Variants in SLC9A9 observed in about 807,000 individuals in gnomAD.
The protein encoded by SLC9A9 is sodium/hydrogen exchanger 9.
In SLC9A9, 62 loss-of-function variants were observed where a neutral mutation model predicts 77.8. The observed-to-expected ratio is 0.80, with a 90% CI of 0.65 to 0.98. SLC9A9 has a LOEUF of 0.98. SLC9A9 is among the 50% of genes least tolerant of loss of function. SLC9A9 has a pLI of 0.00. For synonymous variants in SLC9A9, 320 were observed against 283.5 expected (o/e 1.13, Z -1.29); for missense variants, 775 against 774.9 (o/e 1.00, Z 0.00).
chr3:143,724,742 A>T (rs1248381927), intron 4 of SLC9A9, among the ~76,000 whole-genome samples: 11 of 152,222 alleles, frequency 7.2e-5, no homozygotes, highest in Admixed American at 5.9e-4. Flanking sequence ...ACACGAAAAC[A>T]ATTAACTTTT....
intron 2 of SLC9A9, among the ~76,000 whole-genome samples, chr3:143,806,672 C>T (rs755342199): frequency 6.0e-5 from 9 of 151,222 alleles, no homozygotes; most frequent in Non-Finnish European, 1.2e-4. Context: ...AACAATTGAA[C>T]TCATGGAGAG....
intron 14 of SLC9A9, among the ~76,000 whole-genome samples, chr3:143,274,933 A>C (rs1194425024): frequency 6.6e-6 from 1 of 152,180 alleles, no homozygotes; most frequent in South Asian, 2.1e-4. Flanking sequence ...ATTACAGTCT[A>C]TATTGTTTCC....
At position 143,319,966 on chromosome 3, in the gene SLC9A9, G is replaced by A. The variant is rs192609126; in HGVS notation, c.1604+43518C>T. Among the ~76,000 whole-genome samples the A allele has an allele frequency of 2.1e-3, 318 of 152,264 alleles. 2 individuals carry two copies. The highest frequency in any genetic ancestry group is 7.4e-3 in the African/African-American group (306 of 41,544). On this transcript the variant is annotated intron_variant, in intron 14 of 15. Transcript: ENST00000316549. ...TTGGCATGTTATATGGGCTGGTGCTGTCACCTGTGTCCACTGCTTCACGAT... is the reference window on the plus strand; with the variant it reads ...TTGGCATGTTATATGGGCTGGTGCTATCACCTGTGTCCACTGCTTCACGAT...
chr3:143,648,140 C>G (rs1576632528), intron 6 of SLC9A9, among the ~76,000 whole-genome samples: 1 of 152,058 alleles, frequency 6.6e-6, no homozygotes, highest in East Asian at 1.9e-4. Flanking sequence ...TTATTTATTA[C>G]TCAGAATAGT....
At chr3:143,674,788 T>C (rs1309918648) in intron 5 of SLC9A9, among the ~76,000 whole-genome samples, 2 of 152,178 alleles carry the variant, frequency 1.3e-5, no homozygotes, top group Non-Finnish European at 2.9e-5. Flanking sequence ...AGGTAAGATG[T>C]GCACCCTTGA....
intron 6 of SLC9A9, among the ~76,000 whole-genome samples, chr3:143,613,569 G>T (rs1037648540): frequency 6.6e-6 from 1 of 152,134 alleles, no homozygotes; most frequent in Non-Finnish European, 1.5e-5. Context: ...TTCATGTAAG[G>T]TCTGATGGTA....
chr3:143,308,678 T>C (rs570465316), intron 14 of SLC9A9, among the ~76,000 whole-genome samples: 1 of 152,246 alleles, frequency 6.6e-6, no homozygotes, highest in African/African-American at 2.4e-5. Flanking sequence ...TCAAGACTCA[T>C]GACTGTGAAG....
intron 9 of SLC9A9, among the ~76,000 whole-genome samples, chr3:143,501,937 G>C (rs1397850259): frequency 6.6e-6 from 1 of 150,616 alleles, no homozygotes; most frequent in Non-Finnish European, 1.5e-5. Flanking sequence ...CCTGAGTCTG[G>C]CCCGAAGGAG....
At chr3:143,608,148 T>G (rs2037959304) in intron 6 of SLC9A9, among the ~76,000 whole-genome samples, 1 of 152,186 alleles carries the variant, frequency 6.6e-6, no homozygotes, top group African/African-American at 2.4e-5. Flanking sequence ...AAAAGCAAGT[T>G]GTAAAAGGAT....
At chr3:143,803,638 C>CA (rs1303381086) in intron 2 of SLC9A9, among the ~76,000 whole-genome samples, 3 of 152,130 alleles carry the variant, frequency 2.0e-5, no homozygotes, top group Non-Finnish European at 4.4e-5. Context: ...CTTTTATACT[C>CA]ACTGTTATTC....
At chr3:143,799,237 A>G (rs1009489517) in intron 2 of SLC9A9, among the ~76,000 whole-genome samples, 3 of 152,200 alleles carry the variant, frequency 2.0e-5, no homozygotes, top group Non-Finnish European at 4.4e-5. Context: ...TAGATGCTTT[A>G]CTGCCCTAGA....
At chr3:143,560,755 A>ACATCTTTTG (rs1418890822) in intron 8 of SLC9A9, among the ~76,000 whole-genome samples, 12 of 152,042 alleles carry the variant, frequency 7.9e-5, no homozygotes, top group Non-Finnish European at 1.3e-4. Flanking sequence ...CAAATACATC[A>ACATCTTTTG]CATCTTTTGA....
intron 12 of SLC9A9, among the ~76,000 whole-genome samples, chr3:143,382,528 G>A (rs1403187446): frequency 6.6e-6 from 1 of 152,162 alleles, no homozygotes; most frequent in Non-Finnish European, 1.5e-5. Flanking sequence ...GTTTCTTGAG[G>A]CAGAGTAAAC....
chr3:143,547,568 C>T (rs1294326057), intron 9 of SLC9A9, among the ~76,000 whole-genome samples: 2 of 152,208 alleles, frequency 1.3e-5, no homozygotes, highest in Admixed American at 6.5e-5. Context: ...TGACCTGTCT[C>T]TTCTCACTGC....
intron 2 of SLC9A9, among the ~76,000 whole-genome samples, chr3:143,830,016 T>C (rs1168570603): frequency 6.6e-6 from 1 of 152,168 alleles, no homozygotes; most frequent in African/African-American, 2.4e-5. Context: ...TTACTCAATG[T>C]TACCTCCTTA....
intron 9 of SLC9A9, among the ~76,000 whole-genome samples, chr3:143,536,781 C>G (rs775515353): frequency 5.3e-5 from 8 of 152,216 alleles, no homozygotes; most frequent in Non-Finnish European, 8.8e-5. Context: ...CCTACTCACA[C>G]AGAATATAAA....
intron 6 of SLC9A9, among the ~76,000 whole-genome samples, chr3:143,636,707 G>T (rs1370687184): frequency 6.6e-6 from 1 of 152,144 alleles, no homozygotes; most frequent in Non-Finnish European, 1.5e-5. Context: ...CCATTTATAA[G>T]TGAGAATAAA....
intron 2 of SLC9A9, among the ~76,000 whole-genome samples, chr3:143,823,975 A>G (rs904189160): frequency 1.3e-5 from 2 of 152,098 alleles, no homozygotes; most frequent in Admixed American, 6.5e-5. Context: ...CTTACATCCA[A>G]CTTGTAAATA....
At chr3:143,747,917 G>T (rs756807282) in intron 4 of SLC9A9, among the ~76,000 whole-genome samples, 104 of 152,024 alleles carry the variant, frequency 6.8e-4, no homozygotes, top group African/African-American at 2.4e-3. Flanking sequence ...GGTAGGGAGC[G>T]CTCCCATCTA....
Sources: allele counts gnomAD v4.1 joint callset (sites outside exome capture counted in the v4.1 genomes callset), GRCh38; gene constraint gnomAD v4.1.1; transcripts MANE v1.5; gene names NCBI Gene and HGNC (gene_info 2026-07-23, HGNC 2026-07-21).